GPM6A: variants seen among roughly 807,000 people sequenced by gnomAD.
GPM6A encodes neuronal membrane glycoprotein M6-a.
In GPM6A, 7 loss-of-function variants were observed where a neutral mutation model predicts 32.1. The ratio of observed to expected loss-of-function variants is 0.22; its 90% confidence interval spans 0.12 to 0.41. GPM6A has a LOEUF of 0.41. Ranked by LOEUF, GPM6A falls within the 10% of genes least tolerant of loss-of-function variation. GPM6A has a pLI of 1.00. For missense variants in GPM6A, 235 were observed against 347.2 expected (o/e 0.68, Z 2.57); for synonymous variants, 130 against 123.4 (o/e 1.05, Z -0.35).
intron 1 of GPM6A, among the ~76,000 whole-genome samples, chr4:175,991,093 G>A (rs1345161584): frequency 3.3e-5 from 4 of 122,076 alleles, no homozygotes; most frequent in South Asian, 2.5e-4. Flanking sequence ...TTTTTTTGAC[G>A]TAATTTCGCT....
At chr4:175,758,223 C>T (rs1275119362) in intron 1 of GPM6A, among the ~76,000 whole-genome samples, 1 of 152,150 alleles carries the variant, frequency 6.6e-6, no homozygotes, top group Non-Finnish European at 1.5e-5. Flanking sequence ...AAACATACAA[C>T]ACAGGGCTGG....
chr4:175,932,118 A>G (rs908942647), intron 1 of GPM6A, among the ~76,000 whole-genome samples: 1 of 151,864 alleles, frequency 6.6e-6, no homozygotes, highest in Non-Finnish European at 1.5e-5. Context: ...AAAAAAGAAA[A>G]AAAAAGGAAA....
chr4:175,910,395 C>T (rs532513546), intron 1 of GPM6A, among the ~76,000 whole-genome samples: 1 of 152,252 alleles, frequency 6.6e-6, no homozygotes, highest in African/African-American at 2.4e-5. Context: ...CAGGTGCTCC[C>T]AGCTTATCTT....
At chr4:175,844,049 G>A (rs894545195) in intron 1 of GPM6A, among the ~76,000 whole-genome samples, 21 of 152,158 alleles carry the variant, frequency 1.4e-4, no homozygotes, top group South Asian at 2.1e-4. Context: ...GTCTCTTCTT[G>A]GTAATTTCTC....
At chr4:175,663,096 A>G in intron 3 of GPM6A, among the ~76,000 whole-genome samples, 1 of 152,194 alleles carries the variant, frequency 6.6e-6, no homozygotes, top group East Asian at 1.9e-4. Context: ...GATCTCTCAC[A>G]TATTTTTTAT....
At chr4:175,868,923 A>G (rs545552773) in intron 1 of GPM6A, among the ~76,000 whole-genome samples, 124 of 152,312 alleles carry the variant, frequency 8.1e-4, no homozygotes, top group African/African-American at 2.8e-3. Context: ...TTGATGACTT[A>G]CTATTGTACA....
intron 1 of GPM6A, among the ~76,000 whole-genome samples, chr4:175,911,754 T>C (rs913932070): frequency 1.3e-5 from 2 of 152,116 alleles, no homozygotes; most frequent in African/African-American, 4.8e-5. Context: ...TGTACGAAGA[T>C]GGTGACAAAA....
At chr4:175,963,371 T>TTCAAACTGCAGAAAA (rs144802903) in intron 1 of GPM6A, among the ~76,000 whole-genome samples, 27,143 of 151,870 alleles carry the variant, frequency 0.18, 3,152 homozygotes, top group African/African-American at 0.33. Flanking sequence ...GCAAACCATA[T>TTCAAACTGCAGAAAA]TCAAAAACAC....
At chr4:175,772,682 CT>C (rs999790170) in intron 1 of GPM6A, among the ~76,000 whole-genome samples, 1 of 152,204 alleles carries the variant, frequency 6.6e-6, no homozygotes, top group Non-Finnish European at 1.5e-5. Context: ...TCTAGTCTCA[CT>C]TTCCACATTC....
At chr4:175,801,292 G>A (rs189820040) in intron 1 of GPM6A, among the ~76,000 whole-genome samples, 5 of 152,004 alleles carry the variant, frequency 3.3e-5, no homozygotes, top group African/African-American at 7.2e-5. Flanking sequence ...TCAGGATCAC[G>A]TTAAAAACTT....
chr4:175,652,161 T>A (rs979364909), intron 3 of GPM6A, among the ~76,000 whole-genome samples, 174 bp from the exon 4 acceptor site: 1 of 152,186 alleles, frequency 6.6e-6, no homozygotes, highest in Non-Finnish European at 1.5e-5. Context: ...GCATAATGGG[T>A]TAAGTGAATA....
At chr4:175,658,292 T>C (rs931795990) in intron 3 of GPM6A, among the ~76,000 whole-genome samples, 3 of 148,120 alleles carry the variant, frequency 2.0e-5, no homozygotes, top group African/African-American at 5.0e-5. Flanking sequence ...TTTAAATGCA[T>C]ATGACTGAAA....
At chr4:175,753,208 A>C (rs1254234976) in intron 1 of GPM6A, among the ~76,000 whole-genome samples, 1 of 152,136 alleles carries the variant, frequency 6.6e-6, no homozygotes, top group Non-Finnish European at 1.5e-5. Flanking sequence ...AAAGAGTTTA[A>C]TTTTACCATG....
chr4:175,851,794 T>C (rs555389666), intron 1 of GPM6A, among the ~76,000 whole-genome samples: 1 of 152,220 alleles, frequency 6.6e-6, no homozygotes, highest in Admixed American at 6.5e-5. Context: ...TGGTTTGCAG[T>C]TCAATAATGA....
At chr4:175,974,119 G>C (rs955294863) in intron 1 of GPM6A, among the ~76,000 whole-genome samples, 1 of 151,992 alleles carries the variant, frequency 6.6e-6, no homozygotes, top group Non-Finnish European at 1.5e-5. Flanking sequence ...TGTAATCCCA[G>C]CTACTTGGGA....
intron 1 of GPM6A, among the ~76,000 whole-genome samples, chr4:175,842,233 A>C (rs1735959352): frequency 1.3e-5 from 2 of 152,168 alleles, no homozygotes; most frequent in African/African-American, 4.8e-5. Context: ...TCCAAAAGCA[A>C]ATTTAGCATT....
intron 1 of GPM6A, among the ~76,000 whole-genome samples, chr4:175,910,411 T>C (rs1560989906): frequency 6.6e-6 from 1 of 152,126 alleles, no homozygotes; most frequent in Non-Finnish European, 1.5e-5. Context: ...ATCTTCTTCG[T>C]CCCCTCCTGC....
At chr4:175,787,822 G>GC (rs1733859678) in intron 1 of GPM6A, 1 of 161,032 alleles carries the variant, frequency 6.2e-6, no homozygotes, top group African/African-American at 2.4e-5. Flanking sequence ...TGGCTTGTTA[G>GC]CTTGTTTTTA....
chr4:175,861,893 G>T (rs1354619212), intron 1 of GPM6A, among the ~76,000 whole-genome samples: 1 of 151,016 alleles, frequency 6.6e-6, no homozygotes, highest in African/African-American at 2.4e-5. Context: ...CTATAAAATA[G>T]AAATAAAATA....
Sources: gnomAD v4.1 joint callset for allele counts (sites outside exome capture counted in the v4.1 genomes callset) on GRCh38, gnomAD v4.1.1 for gene constraint, MANE v1.5 for transcripts, NCBI Gene and HGNC (gene_info 2026-07-23, HGNC 2026-07-21) for gene names.